JMJD1C: variants seen among roughly 807,000 people sequenced by gnomAD.
JMJD1C encodes jumonji domain-containing protein 1C.
A neutral mutation model predicts 245.3 loss-of-function variants in JMJD1C; 31 were observed. The observed-to-expected ratio is 0.13, with a 90% CI of 0.09 to 0.17. The LOEUF is 0.17. JMJD1C is among the 10% of genes least tolerant of loss of function. JMJD1C has a pLI of 1.00. For missense variants in JMJD1C, 2,691 were observed against 3,000.2 expected, an observed-to-expected ratio of 0.90 and a Z score of 2.41; for synonymous variants, 1,057 against 1,017.4, an observed-to-expected ratio of 1.04 and a Z score of -0.74.
intron 2 of JMJD1C, among the ~76,000 whole-genome samples, chr10:63,335,973 T>G (rs1490794372): frequency 1.3e-5 from 2 of 150,392 alleles, no homozygotes; most frequent in African/African-American, 4.9e-5. Context: ...ATACAAAAAT[T>G]AGCCAGGCGA....
At chr10:63,364,034 A>AT (rs910540346) in intron 2 of JMJD1C, among the ~76,000 whole-genome samples, 9 of 148,274 alleles carry the variant, frequency 6.1e-5, no homozygotes, top group Non-Finnish European at 1.2e-4. Flanking sequence ...TTTTGTATAT[A>AT]TTTTTTTTTA....
intron 1 of JMJD1C, among the ~76,000 whole-genome samples, chr10:63,486,932 G>A (rs986114972): frequency 1.3e-5 from 2 of 152,128 alleles, no homozygotes; most frequent in Admixed American, 6.6e-5. Flanking sequence ...GTAATGATAC[G>A]GATGAATAAA....
At chr10:63,289,114 G>A (rs896503502) in intron 2 of JMJD1C, among the ~76,000 whole-genome samples, 4 of 151,864 alleles carry the variant, frequency 2.6e-5, no homozygotes, top group South Asian at 4.2e-4. Context: ...CTGGCCTCTG[G>A]GAGACTTTGC....
At chr10:63,472,128 T>G (rs889085060) in intron 1 of JMJD1C, among the ~76,000 whole-genome samples, 1 of 152,130 alleles carries the variant, frequency 6.6e-6, no homozygotes, top group African/African-American at 2.4e-5. Flanking sequence ...AATAAACTTT[T>G]GAATTGACAC....
chr10:63,300,627 C>A (rs1859968947), intron 2 of JMJD1C, among the ~76,000 whole-genome samples: 1 of 151,658 alleles, frequency 6.6e-6, no homozygotes, highest in African/African-American at 2.4e-5. Flanking sequence ...CGTGGTGGCT[C>A]ACTTCTGAAA....
intron 4 of JMJD1C, 29 bp downstream of exon 4, chr10:63,219,849 A>C (rs1289041485): frequency 1.3e-6 from 2 of 1,551,606 alleles, no homozygotes; most frequent in Middle Eastern, 1.7e-4. Flanking sequence ...GATCCAAAAA[A>C]ATTTAATGCA....
intron 2 of JMJD1C, among the ~76,000 whole-genome samples, chr10:63,293,662 T>C (rs1269483378): frequency 6.6e-6 from 1 of 152,182 alleles, no homozygotes; most frequent in Non-Finnish European, 1.5e-5. Flanking sequence ...AATGGCCCAA[T>C]TATTGATAAA....
chr10:63,426,333 G>C (rs917504465), intron 1 of JMJD1C, among the ~76,000 whole-genome samples: 23 of 151,854 alleles, frequency 1.5e-4, no homozygotes, highest in African/African-American at 5.3e-4. Flanking sequence ...CTTAAGTCTG[G>C]GCTACAGAGC....
chr10:63,465,291 G>A (rs988491427), intron 1 of JMJD1C: 21 of 597,788 alleles, frequency 3.5e-5, no homozygotes, highest in Non-Finnish European at 6.0e-5. Context: ...GTCCTGCTCC[G>A]ACACCACCTC....
chr10:63,219,864 T>C lies in JMJD1C; in HGVS notation c.553+14A>G, dbSNP rs998778140. The C allele has an allele frequency of 6.3e-7, 1 of 1,597,862 alleles. No individual in the cohort carries two copies. The highest frequency in any genetic ancestry group is 1.3e-5 in the African/African-American group (1 of 74,632). On this transcript the variant is annotated intron_variant, in intron 4 of 25. Coordinates refer to ENST00000399262, the MANE Select transcript of JMJD1C (RefSeq NM_032776.3). The stretch of plus-strand genomic sequence containing the variant: ...GATCCAAAAAAATTTAATGCATAAC[T>C]TCAAAATAGTTACCTTGCATAAAAA...
chr10:63,362,386 G>C (rs1312889149), intron 2 of JMJD1C, among the ~76,000 whole-genome samples: 1 of 151,958 alleles, frequency 6.6e-6, no homozygotes, highest in African/African-American at 2.4e-5. Flanking sequence ...ATAACTTTAA[G>C]TGCACAATTC....
intron 2 of JMJD1C, among the ~76,000 whole-genome samples, chr10:63,272,035 T>C (rs537189281): frequency 2.0e-5 from 3 of 147,812 alleles, no homozygotes; most frequent in Non-Finnish European, 4.5e-5. Flanking sequence ...ATCATACCAC[T>C]GCACTCTGGC....
At chr10:63,401,098 A>G (rs12415038) in intron 1 of JMJD1C, among the ~76,000 whole-genome samples, 21,428 of 152,102 alleles carry the variant, frequency 0.14, 2,214 homozygotes, top group East Asian at 0.35. Flanking sequence ...ACCTCAGGTG[A>G]TTCACCCGCC....
At chr10:63,452,480 C>T (rs7906819) in intron 1 of JMJD1C, among the ~76,000 whole-genome samples, 21,827 of 152,158 alleles carry the variant, frequency 0.14, 3,600 homozygotes, top group African/African-American at 0.4. Context: ...ATCTTCATTG[C>T]TGTTGAGAAC....
rs377235253 is a variant in JMJD1C at position 63,198,709 on chromosome 10, G to A, written c.5295C>T (p.Asn1765=). The part of the protein sequence containing the change: ...YYFRRLSFSK[N]GVVRIDGFSS... ...AGAAACCATCTATTCTAACTACTCC[G>A]TTTTTACTAAATGACAACCTGAAAT... Residue 1765 remains asparagine, a synonymous_variant, in exon 12 of 26, where the codon AAC becomes AAT. Transcript: ENST00000399262. 2.4e-5 allele frequency: 38 copies of A among 1,592,964 alleles called. No homozygotes were observed. In the East Asian group the frequency reaches 3.6e-4, roughly 15 times the overall value.
intron 13 of JMJD1C, among the ~76,000 whole-genome samples, 196 bp downstream of exon 13, chr10:63,197,215 G>A (rs1845556699): frequency 2.6e-5 from 4 of 152,092 alleles, no homozygotes; most frequent in African/African-American, 9.7e-5. Flanking sequence ...GCTGATGGGT[G>A]TAGATGCAAT....
intron 2 of JMJD1C, chr10:63,269,206 C>T (rs1485486781): frequency 3.0e-6 from 3 of 985,330 alleles, no homozygotes; most frequent in Non-Finnish European, 3.6e-6. Context: ...ACAGTGCAGA[C>T]ACCCAAATGA....
At chr10:63,381,998 G>A (rs1474111779) in intron 1 of JMJD1C, among the ~76,000 whole-genome samples, 1 of 152,186 alleles carries the variant, frequency 6.6e-6, no homozygotes, top group Non-Finnish European at 1.5e-5. Flanking sequence ...GATCACCTGA[G>A]GTCAGGAGTT....
In JMJD1C at chr10:63,380,320, A is replaced by G. The variant is rs953345838; in HGVS notation, c.331T>C (p.Leu111=). 4 of 1,613,804 alleles carry G rather than the reference A, an allele frequency of 2.5e-6. No individual in the cohort carries two copies. Among genetic ancestry groups the G allele is most frequent in the Admixed American group, 1.7e-5 (1 of 60,022 alleles). Residue 111 remains leucine, a splice_region_variant and synonymous_variant, in exon 2 of 26, where the codon TTG becomes CTG. Transcript: ENST00000399262. ...SKSKQIQWPA[L]TFKPLVERNI... Reference sequence around the variant, plus strand: ...AATGAAACAGGAATAGATCTTACCAATGCAGGCCACTGAATCTGTTTGCTC... The same window carrying G: ...AATGAAACAGGAATAGATCTTACCAGTGCAGGCCACTGAATCTGTTTGCTC...
Sources: allele counts gnomAD v4.1 joint callset (sites outside exome capture counted in the v4.1 genomes callset), GRCh38; gene constraint gnomAD v4.1.1; transcripts MANE v1.5; gene names NCBI Gene and HGNC (gene_info 2026-07-23, HGNC 2026-07-21).